Variants in IL1RAPL2 observed in about 807,000 individuals in gnomAD.
The protein encoded by IL1RAPL2 is X-linked interleukin-1 receptor accessory protein-like 2.
IL1RAPL2 carries 3 observed loss-of-function variants against 44.1 expected under a neutral mutation model. The observed-to-expected ratio is 0.07, with a 90% CI of 0.03 to 0.18. The LOEUF (loss-of-function observed/expected upper bound fraction) is 0.18, where lower values mean the gene tolerates loss of function less well. Among genes scored for constraint, IL1RAPL2 ranks in the 10% least tolerant of loss-of-function variants. IL1RAPL2 has a pLI of 1.00. For missense variants in IL1RAPL2, 391 were observed against 496.4 expected (o/e 0.79, Z 2.02); for synonymous variants, 181 against 178.8 (o/e 1.01, Z -0.10).
At chrX:105,429,397 C>T (rs990499404) in intron 5 of IL1RAPL2, among the ~76,000 whole-genome samples, 1 of 111,884 alleles carries the variant, frequency 8.9e-6, no homozygotes, top group Non-Finnish European at 1.9e-5. Flanking sequence ...GATTCATAAT[C>T]TATACTTATC....
chrX:105,577,192 A>G (rs1193603921), intron 6 of IL1RAPL2, among the ~76,000 whole-genome samples: 1 of 111,346 alleles, frequency 9.0e-6, no homozygotes, highest in Non-Finnish European at 1.9e-5. Context: ...AAAACTAAAA[A>G]TTTCACCATC....
chrX:104,802,111 G>A (rs1277879783), intron 2 of IL1RAPL2, among the ~76,000 whole-genome samples: 2 of 110,876 alleles, frequency 1.8e-5, no homozygotes, highest in Non-Finnish European at 3.8e-5. Flanking sequence ...TTGGGAGGCT[G>A]AGGCAGGCGG....
intron 2 of IL1RAPL2, among the ~76,000 whole-genome samples, chrX:105,002,441 T>G (rs563800712): frequency 7.2e-5 from 8 of 111,556 alleles, no homozygotes; most frequent in African/African-American, 2.6e-4. Context: ...ATAGCACTTT[T>G]GGGATCTGGA....
intron 2 of IL1RAPL2, among the ~76,000 whole-genome samples, chrX:104,994,285 C>T (rs2030711921): frequency 9.0e-6 from 1 of 111,380 alleles, no homozygotes; most frequent in South Asian, 3.8e-4. Flanking sequence ...TAGCCAAGTA[C>T]ATACTGTACG....
At chrX:105,761,185 A>AT (rs1226169779) in intron 10 of IL1RAPL2, among the ~76,000 whole-genome samples, 1 of 106,031 alleles carries the variant, frequency 9.4e-6, no homozygotes, top group Non-Finnish European at 1.9e-5. Context: ...TCTCAAAAAA[A>AT]AAAAAAAAAG....
intron 2 of IL1RAPL2, among the ~76,000 whole-genome samples, chrX:104,680,257 T>C (rs1278165939): frequency 1.8e-5 from 2 of 111,876 alleles, no homozygotes; most frequent in East Asian, 5.6e-4. Flanking sequence ...TAGCTCTGCC[T>C]CCTGGAATCA....
At chrX:105,253,553 CTG>C (rs2034288596) in intron 4 of IL1RAPL2, among the ~76,000 whole-genome samples, 1 of 107,821 alleles carries the variant, frequency 9.3e-6, no homozygotes, top group African/African-American at 3.3e-5. Context: ...ATATCTGAGT[CTG>C]TTTTTTTTTA....
intron 2 of IL1RAPL2, among the ~76,000 whole-genome samples, chrX:104,978,714 G>A (rs1231790143): frequency 1.8e-5 from 2 of 112,267 alleles, no homozygotes; most frequent in East Asian, 2.8e-4. Context: ...GTATGTATCT[G>A]TAGAAGTGTA....
intron 2 of IL1RAPL2, among the ~76,000 whole-genome samples, chrX:104,678,731 A>G (rs765998460): frequency 5.4e-5 from 6 of 111,759 alleles, no homozygotes; most frequent in South Asian, 7.5e-4. Context: ...CAATTGTTCA[A>G]TTCCCACTTA....
chrX:104,815,797 C>A (rs1337894230), intron 2 of IL1RAPL2, among the ~76,000 whole-genome samples: 2 of 106,198 alleles, frequency 1.9e-5, no homozygotes, highest in Non-Finnish European at 1.9e-5. Flanking sequence ...TGCTTTATAG[C>A]CTTCTGTTTC....
At chrX:105,205,902 G>A (rs977875762) in intron 3 of IL1RAPL2, among the ~76,000 whole-genome samples, 1 of 110,706 alleles carries the variant, frequency 9.0e-6, no homozygotes, top group Non-Finnish European at 1.9e-5. Flanking sequence ...ACCAAGTTGA[G>A]AAGCAATTGT....
intron 5 of IL1RAPL2, among the ~76,000 whole-genome samples, chrX:105,468,448 G>T (rs1157867577): frequency 0.016 from 1 of 63 alleles, no homozygotes; most frequent in East Asian, 1. Context: ...AACAGGGCTG[G>T]CCTCAGGGCA....
At chrX:105,020,390 G>T (rs1452799264) in intron 2 of IL1RAPL2, among the ~76,000 whole-genome samples, 1 of 111,863 alleles carries the variant, frequency 8.9e-6, no homozygotes, top group Non-Finnish European at 1.9e-5. Context: ...AGGAAATAGT[G>T]CAGTCAAGCA....
intron 2 of IL1RAPL2, among the ~76,000 whole-genome samples, chrX:105,191,592 GA>G (rs1338576672): frequency 8.9e-6 from 1 of 112,033 alleles, no homozygotes; most frequent in Non-Finnish European, 1.9e-5. Context: ...TAAGTCAAGG[GA>G]GTAGTGATGA....
In IL1RAPL2 at chrX:104,590,652, C is replaced by G. The variant is rs371749120; in HGVS notation, c.-20+23601C>G. Among the ~76,000 whole-genome samples, 6 of 111,893 alleles carry G rather than the reference C, an allele frequency of 5.4e-5. No individual in the cohort carries two copies. The East Asian group carries it at 1.1e-3, about 21-fold the overall frequency. On this transcript the variant is annotated intron_variant, in intron 1 of 10. Coordinates refer to ENST00000372582, the MANE Select transcript of IL1RAPL2 (RefSeq NM_017416.2). Reference sequence around the variant, plus strand: ...GAGACAAGCTGTGATCTGCATCTTACCAGTAACCAGAGGTGCTGGGCTATG... The same window carrying G: ...GAGACAAGCTGTGATCTGCATCTTAGCAGTAACCAGAGGTGCTGGGCTATG...
intron 2 of IL1RAPL2, among the ~76,000 whole-genome samples, chrX:104,678,836 G>A (rs932756373): frequency 9.0e-6 from 1 of 111,010 alleles, no homozygotes; most frequent in Non-Finnish European, 1.9e-5. Flanking sequence ...GATGAGGGGC[G>A]AGAGGAGGGA....
intron 2 of IL1RAPL2, among the ~76,000 whole-genome samples, chrX:105,098,473 A>C (rs1314789734): frequency 8.9e-6 from 1 of 111,922 alleles, no homozygotes; most frequent in Non-Finnish European, 1.9e-5. Context: ...TTCGTCACCT[A>C]AGCAAGGAAA....
intron 2 of IL1RAPL2, among the ~76,000 whole-genome samples, chrX:104,864,359 G>C (rs768927796): frequency 3.6e-5 from 4 of 112,245 alleles, no homozygotes; most frequent in Non-Finnish European, 7.5e-5. Flanking sequence ...AACTCACTAT[G>C]TTTCTCGAAC....
chrX:105,078,491 T>C (rs1371072088), intron 2 of IL1RAPL2, among the ~76,000 whole-genome samples: 1 of 112,251 alleles, frequency 8.9e-6, no homozygotes, highest in Non-Finnish European at 1.9e-5. Context: ...GGGACCCACT[T>C]GAGGAGGCAG....
Sources: allele counts gnomAD v4.1 joint callset (sites outside exome capture counted in the v4.1 genomes callset), GRCh38; gene constraint gnomAD v4.1.1; transcripts MANE v1.5; gene names NCBI Gene and HGNC (gene_info 2026-07-23, HGNC 2026-07-21).